Variants in ARHGEF17 observed in about 807,000 individuals in gnomAD.
ARHGEF17 encodes Rho guanine nucleotide exchange factor 17, also known as 164 kDa Rho-specific guanine-nucleotide exchange factor.
ARHGEF17 carries 80 observed loss-of-function variants against 174.0 expected under a neutral mutation model. The ratio of observed to expected loss-of-function variants is 0.46; its 90% CI spans 0.38 to 0.55. The LOEUF (loss-of-function observed/expected upper bound fraction) is 0.55, where lower values mean the gene tolerates loss of function less well. Ranked by LOEUF, ARHGEF17 falls within the 20% of genes least tolerant of loss-of-function variation. ARHGEF17 has a pLI of 0.00. For synonymous variants in ARHGEF17, 1,311 were observed against 1,189.1 expected (o/e 1.10, Z -2.11); for missense variants, 2,886 against 2,839.7 (o/e 1.02, Z -0.37).
At chr11:73,338,856 T>A (rs1865325700) in intron 1 of ARHGEF17, among the ~76,000 whole-genome samples, 1 of 151,962 alleles carries the variant, frequency 6.6e-6, no homozygotes, top group Non-Finnish European at 1.5e-5. Context: ...TTTCCTAGTT[T>A]GTAAGAAGGG....
chr11:73,362,508 C>T lies in ARHGEF17; in HGVS notation c.4770C>T (p.Ala1590=), dbSNP rs765484647. 3.1e-6 allele frequency: 5 copies of T among 1,603,582 alleles called. No individual in the cohort carries two copies. The highest frequency in any genetic ancestry group is 2.7e-5 in the African/African-American group (2 of 74,916). Residue 1590 remains alanine (A), a synonymous_variant, in exon 14 of 21, where the codon GCC becomes GCT. Transcript: ENST00000263674. ...EPAGPELDVE[A]AADEEAATLA... is the part of the protein sequence containing the mutation. ...CCGGGCCGGAGCTGGACGTCGAGGC[C>T]GCTGCAGACGAGGAAGCCGCGACGC...
At chr11:73,358,523 T>C (rs1416932713) in intron 9 of ARHGEF17, among the ~76,000 whole-genome samples, 1 of 142,560 alleles carries the variant, frequency 7.0e-6, no homozygotes. Flanking sequence ...AGTGGCACGA[T>C]CTCGGCTCAC....
Position 73,353,024 on chromosome 11 carries a change from CGCT to C in ARHGEF17, c.3453+18_3453+20del. ...TGCTCGTCCAGTCGGTGAGTGGCCC[CGCT>C]GCTGCCAATTCCCACAAGCACAGGC... is the stretch of plus-strand genomic sequence containing the variant. On this transcript the variant is annotated intron_variant, in intron 3 of 20. Coordinates refer to ENST00000263674, the MANE Select transcript of ARHGEF17 (RefSeq NM_014786.4). 6.2e-7 allele frequency: 1 copy of C among 1,612,628 alleles called. No individual in the cohort carries two copies. Among genetic ancestry groups the C allele is most frequent in the Non-Finnish European group, 8.5e-7 (1 of 1,179,556 alleles).
rs1865804624 is a variant in ARHGEF17 at position 73,364,498 on chromosome 11, C to G, written c.5448C>G (p.Thr1816=). 1.2e-6 allele frequency: 2 copies of G among 1,613,470 alleles called. No homozygotes were observed. Among genetic ancestry groups the G allele is most frequent in the Non-Finnish European group, 1.7e-6 (2 of 1,179,890 alleles). Residue 1816 remains threonine (T), a synonymous_variant, in exon 18 of 21, where the codon ACC becomes ACG. Transcript: ENST00000263674. ...ACTTCAAATCAGTGACCTTGGGCAC[C>G]CAGGGGAGCCCCATCACCAAGATGG... ...PQNFKSVTLG[T]QGSPITKMVS...
Position 73,367,888 on chromosome 11 carries a change from CAT to C in ARHGEF17, c.*109_*110del, listed in dbSNP as rs1173858811. On this transcript the variant is annotated 3_prime_UTR_variant, in exon 21 of 21. Coordinates refer to ENST00000263674, the MANE Select transcript of ARHGEF17 (RefSeq NM_014786.4). Reference sequence around the variant, plus strand: ...CCAGGAGTATCCAGCCAGGGGCACACATGTGCCTGCGTGGGCTCTGCCTTGTC... The same window carrying C: ...CCAGGAGTATCCAGCCAGGGGCACACGTGCCTGCGTGGGCTCTGCCTTGTC... 17 of 1,197,190 alleles carry C rather than the reference CAT, an allele frequency of 1.4e-5. No individual in the cohort carries two copies. The highest frequency in any genetic ancestry group is 1.9e-5 in the Non-Finnish European group (16 of 861,544). The allele number at this position is 1,197,190 out of a possible 1,614,324, so 74.2% of individuals were successfully genotyped here. A position where few individuals can be genotyped will look rare whatever the true frequency, so the allele number is the denominator to read the frequency against.
chr11:73,309,665 G>C lies in ARHGEF17; in HGVS notation c.1027G>C (p.Glu343Gln). 1 of 1,613,134 alleles carries C rather than the reference G, an allele frequency of 6.2e-7. No individual in the cohort carries two copies. Among genetic ancestry groups the C allele is most frequent in the African/African-American group, 1.3e-5 (1 of 75,072 alleles). ...PRAPREEGLR[E>Q]WGSGSPPCVP... ...AGCCCCTAGAGAAGAAGGACTCCGG[G>C]AGTGGGGTAGTGGCTCTCCGCCCTG... The change falls in exon 1 of 21, where the codon GAG (glutamate) becomes CAG (glutamine). Residue 343 changes from glutamate (E) to glutamine (Q), a missense_variant. By Grantham distance (29) the Glu-to-Gln change is conservative. Coordinates refer to ENST00000263674, the MANE Select transcript of ARHGEF17 (RefSeq NM_014786.4).
chr11:73,343,268 G>A, intron 1 of ARHGEF17: 1 of 398,614 alleles, frequency 2.5e-6, no homozygotes, highest in South Asian at 1.3e-4. Context: ...AGGAGCCTGG[G>A]GAGGCCCAGG....
Position 73,309,200 on chromosome 11 carries a change from C to G in ARHGEF17, c.562C>G (p.Leu188Val). 1 of 1,594,710 alleles carries G rather than the reference C, an allele frequency of 6.3e-7. No individual in the cohort carries two copies. The highest frequency in any genetic ancestry group is 8.5e-7 in the Non-Finnish European group (1 of 1,170,446). Residue 188 changes from leucine to valine, a missense_variant, in exon 1 of 21, where the codon CTG becomes GTG. This residue lies in a region of ARHGEF17 where 1,728 missense variants were observed against 1,461.2 expected (regional missense o/e 1.18). Transcript: ENST00000263674. ...GGCGGGTCTGCGTTCGGCGCGGCCC[C>G]TGACCGGGCCGGAGACCGAAGGGAG... is the stretch of plus-strand genomic sequence containing the variant. ...PLAGLRSARP[L>V]TGPETEGRLR...
At chr11:73,363,695 A>G in intron 15 of ARHGEF17, 52 bp from the exon 16 acceptor site, 1 of 1,602,446 alleles carries the variant, frequency 6.2e-7, no homozygotes, top group Non-Finnish European at 8.5e-7. Context: ...GGATGACTCC[A>G]GGGGCTGGTG....
At chr11:73,346,081 C>T (rs926258365) in intron 1 of ARHGEF17, among the ~76,000 whole-genome samples, 1 of 152,026 alleles carries the variant, frequency 6.6e-6, no homozygotes, top group Non-Finnish European at 1.5e-5. Context: ...GGTGTGGGTG[C>T]AGAGGCTGTG....
Position 73,310,581 on chromosome 11 carries a change from T to C in ARHGEF17, c.1943T>C (p.Ile648Thr), listed in dbSNP as rs756814001. ...GAGTCCAGTCTGACAGATGAAGGCA[T>C]TGGGGCAGACCCTGAGCCTCCTGTT... ...GPESSLTDEG[I>T]GADPEPPVAA... is the part of the protein sequence containing the mutation. The change falls in exon 1 of 21, where the codon ATT becomes ACT. Residue 648 changes from isoleucine (I) to threonine (T), a missense_variant. Physicochemically the swap from Ile to Thr is moderately conservative, Grantham distance 89. Coordinates refer to ENST00000263674, the MANE Select transcript of ARHGEF17 (RefSeq NM_014786.4). The C allele has an allele frequency of 1.2e-6, 2 of 1,614,056 alleles. No homozygotes were observed. The highest frequency in any genetic ancestry group is 2.2e-5 in the South Asian group (2 of 91,084).
intron 10 of ARHGEF17, 143 bp downstream of exon 10, chr11:73,360,095 G>C: frequency 1.1e-6 from 1 of 933,546 alleles, no homozygotes. Context: ...GCCTCCCTGC[G>C]TATGGGGGAA....
chr11:73,317,268 G>T (rs989926535), intron 1 of ARHGEF17, among the ~76,000 whole-genome samples: 7 of 152,174 alleles, frequency 4.6e-5, no homozygotes, highest in Non-Finnish European at 7.4e-5. Flanking sequence ...CAGCGTGCAT[G>T]TCTCCTGGGA....
In ARHGEF17 at chr11:73,363,418, T is replaced by C. The variant is rs1865782553; in HGVS notation, c.5209T>C (p.Tyr1737His). 6.2e-7 allele frequency: 1 copy of C among 1,613,358 alleles called. No individual in the cohort carries two copies. Among genetic ancestry groups the C allele is most frequent in the South Asian group, 1.1e-5 (1 of 91,046 alleles). ...CCTGCTGAGTGTCGACCCTGAGGCC[T>C]ACCAGAGCTCCGTGTGGCTGGGCAC... The part of the protein sequence containing the change: ...EDLLSVDPEA[Y>H]QSSVWLGTED... Residue 1737 changes from tyrosine (Y) to histidine (H), a missense_variant, in exon 15 of 21, where the codon TAC becomes CAC. By Grantham distance (83) the Tyr-to-His change is moderately conservative. Transcript: ENST00000263674.
chr11:73,310,065 G>A lies in ARHGEF17; in HGVS notation c.1427G>A (p.Ser476Asn). ...GCCTCAGAGACCCTGACGCTTCTCA[G>A]TTTCCTGCGCTCAGACCTTTCAGAG... ...DIASETLTLL[S>N]FLRSDLSELR... Residue 476 changes from serine to asparagine, a missense_variant, in exon 1 of 21, where the codon AGT becomes AAT. Ser to Asn is a conservative substitution (Grantham distance 46). This residue lies in a region of ARHGEF17 where 1,728 missense variants were observed against 1,461.2 expected (regional missense o/e 1.18). Transcript: ENST00000263674. 1 of 1,614,198 alleles carries A rather than the reference G, an allele frequency of 6.2e-7. No individual in the cohort carries two copies. The highest frequency in any genetic ancestry group is 8.5e-7 in the Non-Finnish European group (1 of 1,180,028).
In ARHGEF17 at chr11:73,364,618, A is replaced by G. The variant is rs767110829; in HGVS notation, c.5550+18A>G. ...AGCTGGAGGTAGCAGGGGGTGGGGG[A>G]ATGGAATTGGTGCCATGGGATGAGC... On this transcript the variant is annotated intron_variant, in intron 18 of 20. Coordinates refer to ENST00000263674, the MANE Select transcript of ARHGEF17 (RefSeq NM_014786.4). The G allele has an allele frequency of 6.3e-7, 1 of 1,599,284 alleles. No individual in the cohort carries two copies. The highest frequency in any genetic ancestry group is 8.5e-7 in the Non-Finnish European group (1 of 1,174,064).
At chr11:73,315,463 C>T (rs1417754966) in intron 1 of ARHGEF17, among the ~76,000 whole-genome samples, 1 of 152,214 alleles carries the variant, frequency 6.6e-6, no homozygotes, top group Non-Finnish European at 1.5e-5. Context: ...CTCTTCTAGT[C>T]ACCCTTCTTT....
intron 3 of ARHGEF17, among the ~76,000 whole-genome samples, chr11:73,354,376 C>T (rs936793257): frequency 6.6e-6 from 1 of 152,220 alleles, no homozygotes; most frequent in African/African-American, 2.4e-5. Flanking sequence ...CTTCTTCACA[C>T]CCTGCCCTGT....
At chr11:73,361,948 C>T (rs1865745983) in intron 12 of ARHGEF17, 92 bp from the exon 13 acceptor site, 3 of 1,466,506 alleles carry the variant, frequency 2.0e-6, no homozygotes, top group Non-Finnish European at 2.8e-6. Flanking sequence ...GCAGGCCTGC[C>T]TCCCTCCATT....
Sources: allele counts gnomAD v4.1 joint callset (sites outside exome capture counted in the v4.1 genomes callset), GRCh38; gene constraint gnomAD v4.1.1; regional missense constraint gnomAD v4.1.1; transcripts MANE v1.5; gene names NCBI Gene and HGNC (gene_info 2026-07-23, HGNC 2026-07-21).